KLF12: variants seen among roughly 807,000 people sequenced by gnomAD.
KLF12 encodes Krueppel-like factor 12.
KLF12 carries 9 observed loss-of-function variants against 37.8 expected under a neutral mutation model. The observed-to-expected ratio is 0.24, with a 90% CI of 0.14 to 0.42. The LOEUF is 0.42. KLF12 is among the 10% of genes least tolerant of loss of function. KLF12 has a pLI of 1.00. For synonymous variants in KLF12, 208 were observed against 202.1 expected, an observed-to-expected ratio of 1.03 and a Z score of -0.25; for missense variants, 411 against 516.0, an observed-to-expected ratio of 0.80 and a Z score of 1.97.
intron 1 of KLF12, among the ~76,000 whole-genome samples, chr13:74,077,387 T>A (rs1450851568): frequency 2.0e-5 from 3 of 152,224 alleles, no homozygotes; most frequent in African/African-American, 7.2e-5. Context: ...AAGGGTATAT[T>A]CTATACTAAA....
At chr13:74,245,293 T>TTATCTATCTATC in the KLF12 span, among the ~76,000 whole-genome samples, 35 of 149,092 alleles carry the variant, frequency 2.3e-4, no homozygotes, top group Admixed American at 4.7e-4. Flanking sequence ...GGAGATAAGT[T>TTATCTATCTATC]TATCTATCTA....
chr13:73,928,908 G>A (rs1226680897), intron 3 of KLF12, among the ~76,000 whole-genome samples: 3 of 152,130 alleles, frequency 2.0e-5, no homozygotes, highest in Admixed American at 2.0e-4. Flanking sequence ...GCACATAAAA[G>A]CATTCATAAA....
At chr13:74,261,459 A>C in the KLF12 span, among the ~76,000 whole-genome samples, 2 of 152,170 alleles carry the variant, frequency 1.3e-5, no homozygotes, top group Non-Finnish European at 2.9e-5. Context: ...AGGAAATTTC[A>C]TTTTCCCATT....
intron 6 of KLF12, among the ~76,000 whole-genome samples, chr13:73,758,760 T>TC (rs999795874): frequency 6.6e-6 from 1 of 152,194 alleles, no homozygotes; most frequent in African/African-American, 2.4e-5. Context: ...TTAATTTTTT[T>TC]CCCTTATATC....
chr13:73,877,125 A>G (rs1886746998), intron 3 of KLF12, among the ~76,000 whole-genome samples: 1 of 152,120 alleles, frequency 6.6e-6, no homozygotes, highest in African/African-American at 2.4e-5. Flanking sequence ...CTGTTCTTTC[A>G]GCAGTTATTC....
At chr13:74,092,651 AAAAAAG>A (rs1231358545) in intron 1 of KLF12, among the ~76,000 whole-genome samples, 4 of 151,946 alleles carry the variant, frequency 2.6e-5, no homozygotes, top group Non-Finnish European at 5.9e-5. Context: ...CAAAAAAAAG[AAAAAAG>A]AAAAAGAAAA....
chr13:73,871,552 G>A (rs1886466185), intron 3 of KLF12, among the ~76,000 whole-genome samples: 1 of 152,156 alleles, frequency 6.6e-6, no homozygotes, highest in African/African-American at 2.4e-5. Context: ...AGTACAAACG[G>A]AGTCCAGTCC....
At chr13:73,973,817 G>A (rs1265665322) in intron 2 of KLF12, among the ~76,000 whole-genome samples, 1 of 152,108 alleles carries the variant, frequency 6.6e-6, no homozygotes, top group Non-Finnish European at 1.5e-5. Flanking sequence ...CAGCTTAAAA[G>A]CAGAAGGCTT....
the KLF12 span, among the ~76,000 whole-genome samples, chr13:74,169,135 G>A: frequency 7.2e-5 from 11 of 152,102 alleles, no homozygotes; most frequent in Non-Finnish European, 1.6e-4. Flanking sequence ...AATTATGGAC[G>A]AAAGTATTAT....
At chr13:73,949,193 A>C (rs1469757394) in intron 2 of KLF12, among the ~76,000 whole-genome samples, 1 of 152,132 alleles carries the variant, frequency 6.6e-6, no homozygotes, top group Middle Eastern at 3.2e-3. Context: ...CTATGTACCT[A>C]CCTGTCCACT....
chr13:73,948,901 C>T (rs1204640454), intron 2 of KLF12, among the ~76,000 whole-genome samples: 1 of 152,194 alleles, frequency 6.6e-6, no homozygotes, highest in African/African-American at 2.4e-5. Context: ...ACAAATCACA[C>T]AGTGGCATGA....
At chr13:73,873,628 A>G (rs1886576637) in intron 3 of KLF12, among the ~76,000 whole-genome samples, 1 of 152,188 alleles carries the variant, frequency 6.6e-6, no homozygotes, top group African/African-American at 2.4e-5. Flanking sequence ...TCTGAAAACT[A>G]TATAAACCTT....
chr13:73,870,809 T>A (rs1037105268), intron 3 of KLF12, among the ~76,000 whole-genome samples: 1 of 152,200 alleles, frequency 6.6e-6, no homozygotes, highest in African/African-American at 2.4e-5. Flanking sequence ...TATATTTCTT[T>A]CTTCTCTGGA....
intron 6 of KLF12, among the ~76,000 whole-genome samples, chr13:73,723,929 T>C (rs1220044520): frequency 1.3e-5 from 2 of 152,146 alleles, no homozygotes; most frequent in African/African-American, 4.8e-5. Context: ...ATAGGAACAC[T>C]ACACTGTTGG....
At chr13:73,835,679 C>T (rs1012466233) in intron 4 of KLF12, among the ~76,000 whole-genome samples, 1 of 152,054 alleles carries the variant, frequency 6.6e-6, no homozygotes, top group Non-Finnish European at 1.5e-5. Context: ...GTAAGAAATA[C>T]GTATTTCAGC....
intron 1 of KLF12, among the ~76,000 whole-genome samples, chr13:74,018,682 G>A (rs1009782023): frequency 6.6e-6 from 1 of 152,106 alleles, no homozygotes; most frequent in Non-Finnish European, 1.5e-5. Flanking sequence ...TCTGCACAAT[G>A]AATTATTCAC....
At chr13:74,154,630 A>C in the KLF12 span, among the ~76,000 whole-genome samples, 1 of 139,234 alleles carries the variant, frequency 7.2e-6, no homozygotes, top group African/African-American at 2.5e-5. Flanking sequence ...GTCTTTGCTT[A>C]GGGTTGTGGA....
At chr13:73,754,242 T>C (rs1478968827) in intron 6 of KLF12, among the ~76,000 whole-genome samples, 1 of 152,186 alleles carries the variant, frequency 6.6e-6, no homozygotes, top group Non-Finnish European at 1.5e-5. Context: ...AAAAATGCTC[T>C]GACAATTTTT....
At chr13:73,712,671 G>C (rs1875492306) in intron 7 of KLF12, among the ~76,000 whole-genome samples, 2 of 152,158 alleles carry the variant, frequency 1.3e-5, no homozygotes, top group Admixed American at 6.5e-5. Context: ...CCACTGATGT[G>C]GCAAACTTTA....
Sources: allele counts gnomAD v4.1 joint callset (sites outside exome capture counted in the v4.1 genomes callset), GRCh38; gene constraint gnomAD v4.1.1; transcripts MANE v1.5; gene names NCBI Gene and HGNC (gene_info 2026-07-23, HGNC 2026-07-21).